Variants in TRIQK observed in about 807,000 individuals in gnomAD.
TRIQK encodes triple QxxK/R motif-containing protein.
A neutral mutation model predicts 10.8 loss-of-function variants in TRIQK; 10 were observed. The observed-to-expected ratio is 0.92, with a 90% CI of 0.57 to 1.57. TRIQK has a LOEUF of 1.57. TRIQK is among the 40% of genes most tolerant of loss of function. The pLI is 0.00. For synonymous variants in TRIQK, 33 were observed against 33.7 expected (o/e 0.98, Z 0.07); for missense variants, 107 against 97.7 (o/e 1.09, Z -0.40).
chr8:92,897,527 C>G (rs1175353570), intron 3 of TRIQK, among the ~76,000 whole-genome samples: 1 of 152,112 alleles, frequency 6.6e-6, no homozygotes, highest in Non-Finnish European at 1.5e-5. Flanking sequence ...TGAGCTTGGT[C>G]CCTTTCCTCT....
intron 3 of TRIQK, among the ~76,000 whole-genome samples, chr8:92,907,348 TAA>T (rs972834295): frequency 6.6e-6 from 1 of 152,192 alleles, no homozygotes; most frequent in Non-Finnish European, 1.5e-5. Flanking sequence ...TACATAAGAC[TAA>T]GATTCACTTA....
intron 3 of TRIQK, among the ~76,000 whole-genome samples, chr8:92,905,132 A>T (rs891077630): frequency 6.6e-6 from 1 of 152,214 alleles, no homozygotes; most frequent in Non-Finnish European, 1.5e-5. Context: ...TCATAGAAGC[A>T]TCGTTCGTAA....
At chr8:92,909,720 C>T (rs1349642082) in intron 3 of TRIQK, among the ~76,000 whole-genome samples, 1 of 151,524 alleles carries the variant, frequency 6.6e-6, no homozygotes, top group Non-Finnish European at 1.5e-5. Context: ...ATTAAAAATG[C>T]TAACCAAGCA....
chr8:92,915,416 T>C (rs553901082), intron 3 of TRIQK, among the ~76,000 whole-genome samples: 258 of 152,240 alleles, frequency 1.7e-3, no homozygotes, highest in Non-Finnish European at 2.9e-3. Context: ...GGTTTGACTG[T>C]AGTAATCATT....
chr8:93,009,945 A>G (rs1021288138), intron 1 of TRIQK, among the ~76,000 whole-genome samples: 2 of 152,172 alleles, frequency 1.3e-5, no homozygotes, highest in African/African-American at 4.8e-5. Context: ...AGACATAAAA[A>G]AATAGAGTCC....
At chr8:92,948,865 CTTATATA>C (rs1811684874) in intron 2 of TRIQK, among the ~76,000 whole-genome samples, 1 of 152,168 alleles carries the variant, frequency 6.6e-6, no homozygotes, top group Non-Finnish European at 1.5e-5. Context: ...ATGCTGCCTC[CTTATATA>C]TTCTAAATGT....
chr8:93,011,889 A>C (rs1813339249), intron 1 of TRIQK, among the ~76,000 whole-genome samples: 1 of 152,176 alleles, frequency 6.6e-6, no homozygotes, highest in African/African-American at 2.4e-5. Context: ...TCTAAAGCCC[A>C]TTCTCTTACC....
chr8:92,910,033 G>T (rs113385961), intron 3 of TRIQK, among the ~76,000 whole-genome samples: 3,242 of 151,520 alleles, frequency 0.021, 78 homozygotes, highest in South Asian at 0.075. Context: ...ATGTAAACAG[G>T]TTAGGTTAAA....
Position 92,886,690 on chromosome 8 carries a change from A to G in TRIQK, c.193T>C (p.Phe65Leu). The change falls in exon 5 of 5, where the codon TTC becomes CTC. Residue 65 changes from phenylalanine (F) to leucine (L), a missense_variant. Coordinates refer to ENST00000521988, the MANE Select transcript of TRIQK (RefSeq NM_001171797.2). ...AGTCTGAGATAAAAGAAAGCATAGA[A>G]AGCCAGTAGTAGTGCCAATATAGCT... The part of the protein sequence containing the change: ...LAAILALLLA[F>L]YAFFYLRLTT... The G allele has an allele frequency of 5.9e-6, 9 of 1,533,160 alleles. No homozygotes were observed. The highest frequency in any genetic ancestry group is 7.9e-6 in the Non-Finnish European group (9 of 1,143,978). 95.0% of individuals were successfully genotyped at this position (1,533,160 alleles called of 1,614,324 possible). A position where few individuals can be genotyped will look rare whatever the true frequency, so the allele number is the denominator to read the frequency against.
chr8:93,012,468 T>G (rs1013597888), intron 1 of TRIQK, among the ~76,000 whole-genome samples: 2 of 152,168 alleles, frequency 1.3e-5, no homozygotes, highest in African/African-American at 2.4e-5. Flanking sequence ...CTCTTCATTG[T>G]GGTTATGAAT....
intron 4 of TRIQK, among the ~76,000 whole-genome samples, chr8:92,890,526 CT>C (rs1454054036): frequency 6.6e-6 from 1 of 151,600 alleles, no homozygotes; most frequent in Non-Finnish European, 1.5e-5. Flanking sequence ...TAGACCTTAT[CT>C]CATACTAGGA....
chr8:92,966,502 C>CA (rs1244273802), upstream of TRIQK, among the ~76,000 whole-genome samples: 3 of 149,834 alleles, frequency 2.0e-5, no homozygotes, highest in African/African-American at 7.4e-5. Flanking sequence ...ATTCAAACAG[C>CA]AAAAAAGAAA....
At chr8:92,988,296 G>T (rs1021971654) in intron 1 of TRIQK, among the ~76,000 whole-genome samples, 6 of 151,996 alleles carry the variant, frequency 3.9e-5, no homozygotes, top group Admixed American at 2.6e-4. Flanking sequence ...GATTACAGGC[G>T]TGAGCCACTG....
At chr8:92,976,931 A>G (rs556239279) in intron 1 of TRIQK, among the ~76,000 whole-genome samples, 1 of 151,990 alleles carries the variant, frequency 6.6e-6, no homozygotes, top group Non-Finnish European at 1.5e-5. Context: ...TCTTTGTGCT[A>G]TTGTCATGTA....
chr8:93,007,428 C>T (rs1053319993), intron 1 of TRIQK, among the ~76,000 whole-genome samples: 1 of 152,218 alleles, frequency 6.6e-6, no homozygotes, highest in Admixed American at 6.5e-5. Flanking sequence ...ATGAGAAAGA[C>T]TCAACGAGAA....
At chr8:92,943,717 C>T (rs1231994216) in intron 2 of TRIQK, among the ~76,000 whole-genome samples, 1 of 152,070 alleles carries the variant, frequency 6.6e-6, no homozygotes, top group Non-Finnish European at 1.5e-5. Context: ...AACAATAAAA[C>T]TGCTAGGAGA....
At chr8:92,995,063 T>A (rs1214711792) in intron 1 of TRIQK, among the ~76,000 whole-genome samples, 2 of 152,062 alleles carry the variant, frequency 1.3e-5, no homozygotes, top group African/African-American at 4.8e-5. Context: ...TATGGAGGGA[T>A]CTGGTTTATA....
In TRIQK at chr8:92,918,070, C is replaced by CTG. The variant is rs531571529; in HGVS notation, c.-21-1062_-21-1061dup. ...AAATGGCAGCGTTTCATTTATAAGG[C>CTG]TGAATAATATTCCACTGTGTATAGA... On this transcript the variant is annotated intron_variant, in intron 2 of 4. Transcript: ENST00000521988. Among the ~76,000 whole-genome samples, 410 of 152,118 alleles carry CTG rather than the reference C, an allele frequency of 2.7e-3. 2 individuals carry two copies. Among genetic ancestry groups the CTG allele is most frequent in the Admixed American group, 7.1e-3 (109 of 15,280 alleles).
intron 2 of TRIQK, among the ~76,000 whole-genome samples, chr8:92,946,837 T>G (rs1443854545): frequency 6.6e-6 from 1 of 151,728 alleles, no homozygotes; most frequent in Non-Finnish European, 1.5e-5. Flanking sequence ...CTCGGCTCAC[T>G]GCGAGCTCCG....
Sources: gnomAD v4.1 joint callset for allele counts (sites outside exome capture counted in the v4.1 genomes callset) on GRCh38, gnomAD v4.1.1 for gene constraint, MANE v1.5 for transcripts, NCBI Gene and HGNC (gene_info 2026-07-23, HGNC 2026-07-21) for gene names.